The following CA10 variants were observed in gnomAD, a reference collection of about 807,000 sequenced individuals.
The protein encoded by CA10 is carbonic anhydrase 10 (inactive).
CA10 carries 14 observed loss-of-function variants against 44.2 expected under a neutral mutation model. The ratio of observed to expected loss-of-function variants is 0.32; its 90% CI spans 0.21 to 0.50. CA10 has a LOEUF of 0.50. Among genes scored for constraint, CA10 ranks in the 20% least tolerant of loss-of-function variants. CA10 has a pLI of 0.99. For synonymous variants in CA10, 159 were observed against 141.6 expected (o/e 1.12, Z -0.87); for missense variants, 350 against 409.7 (o/e 0.85, Z 1.26).
At chr17:51,658,381 A>T (rs1913879672) in intron 4 of CA10, among the ~76,000 whole-genome samples, 1 of 152,218 alleles carries the variant, frequency 6.6e-6, no homozygotes, top group African/African-American at 2.4e-5. Context: ...CAAGATTTTG[A>T]CTTACTTACA....
intron 3 of CA10, among the ~76,000 whole-genome samples, chr17:51,803,615 A>G (rs1330820655): frequency 6.6e-6 from 1 of 152,254 alleles, no homozygotes; most frequent in Non-Finnish European, 1.5e-5. Context: ...AATGTGTACA[A>G]TGCTGATTTT....
At chr17:52,115,791 C>G (rs981935002) in intron 1 of CA10, among the ~76,000 whole-genome samples, 2 of 152,222 alleles carry the variant, frequency 1.3e-5, no homozygotes, top group Admixed American at 1.3e-4. Flanking sequence ...CTCAGTCCAA[C>G]AGCAATTAAA....
intron 1 of CA10, among the ~76,000 whole-genome samples, chr17:52,111,046 G>A (rs2143284365): frequency 6.6e-6 from 1 of 152,310 alleles, no homozygotes; most frequent in African/African-American, 2.4e-5. Context: ...AATCTAAATT[G>A]CATAGACTGT....
chr17:51,692,479 A>T (rs1915247721), intron 4 of CA10, among the ~76,000 whole-genome samples: 1 of 151,726 alleles, frequency 6.6e-6, no homozygotes, highest in African/African-American at 2.4e-5. Context: ...AGATTATCTC[A>T]TTTGCAGACA....
At chr17:51,804,996 C>T (rs960257692) in intron 3 of CA10, among the ~76,000 whole-genome samples, 1 of 152,134 alleles carries the variant, frequency 6.6e-6, no homozygotes, top group African/African-American at 2.4e-5. Context: ...TTGCTGGGCT[C>T]CTCTGTGGGG....
At position 52,136,088 on chromosome 17, in the gene CA10, C is replaced by T. The variant is rs796492941; in HGVS notation, c.61+21638G>A. The stretch of plus-strand genomic sequence containing the variant: ...GAAGGTCTCTTTTTAGTTCAGGATA[C>T]TGTATGTCACTGATATAAAGCACTG... On this transcript the variant is annotated intron_variant, in intron 1 of 8. Coordinates refer to ENST00000451037, the MANE Select transcript of CA10 (RefSeq NM_020178.5). Among the ~76,000 whole-genome samples the T allele has an allele frequency of 6.6e-5, 10 of 152,290 alleles. 1 individual carries two copies. Among genetic ancestry groups the T allele is most frequent in the African/African-American group, 2.4e-4 (10 of 41,564 alleles).
chr17:51,850,507 T>TAATAGGTGAGG (rs1481088354), intron 3 of CA10, among the ~76,000 whole-genome samples: 1 of 152,128 alleles, frequency 6.6e-6, no homozygotes, highest in Non-Finnish European at 1.5e-5. Context: ...GAGGTCTCTG[T>TAATAGGTGAGG]AATAGGTGAG....
At chr17:51,739,134 T>A (rs975512618) in intron 4 of CA10, among the ~76,000 whole-genome samples, 2 of 152,156 alleles carry the variant, frequency 1.3e-5, no homozygotes, top group Admixed American at 6.6e-5. Context: ...CAAATTTTCA[T>A]TGGCCACTGA....
intron 3 of CA10, among the ~76,000 whole-genome samples, chr17:51,787,006 G>T (rs965755316): frequency 1.3e-5 from 2 of 152,082 alleles, no homozygotes; most frequent in African/African-American, 4.8e-5. Context: ...AACCATCTTT[G>T]CATCCCAGGG....
In CA10 at chr17:52,139,754, A is replaced by T. The variant is rs543740111; in HGVS notation, c.61+17972T>A. Among the ~76,000 whole-genome samples, 127 of 152,266 alleles carry T rather than the reference A, an allele frequency of 8.3e-4. 1 individual carries two copies. Among genetic ancestry groups the T allele is most frequent in the African/African-American group, 3.1e-3 (127 of 41,550 alleles). On this transcript the variant is annotated intron_variant, in intron 1 of 8. Transcript: ENST00000451037. ...TAACAGCTGTGTGCTCCTCAGTGTTACCTGGGTGCCTGTCTCCTCTCAATA... is the reference window on the plus strand; with the variant it reads ...TAACAGCTGTGTGCTCCTCAGTGTTTCCTGGGTGCCTGTCTCCTCTCAATA...
rs1325273302 is a variant in CA10 at position 51,987,420 on chromosome 17, G to T, written c.137-56288C>A. Among the ~76,000 whole-genome samples the T allele has an allele frequency of 2.0e-5, 3 of 151,920 alleles. No individual in the cohort carries two copies. In the East Asian group the frequency reaches 5.8e-4, roughly 29 times the overall value. On this transcript the variant is annotated intron_variant, in intron 2 of 8. Transcript: ENST00000451037. ...AGGGATAAAAGACTACAAATAGGGT[G>T]CAGTGTACACTGCTCGGGTAATGGG...
chr17:51,906,557 G>A (rs2143941712), intron 3 of CA10, among the ~76,000 whole-genome samples: 1 of 152,210 alleles, frequency 6.6e-6, no homozygotes, highest in Non-Finnish European at 1.5e-5. Flanking sequence ...ATAGTCTAAT[G>A]TATGCCCATG....
chr17:51,770,682 G>A lies in CA10; in HGVS notation c.280-22864C>T, dbSNP rs189860767. ...GCTCATGGTTCTGCAGCTTGCAGAG[G>A]AAGTGTAGCACTGTCATCAGCTTGG... On this transcript the variant is annotated intron_variant, in intron 3 of 8. Transcript: ENST00000451037. 2.6e-5 allele frequency among the ~76,000 whole-genome samples: 4 copies of A among 152,254 alleles called. No homozygotes were observed. In the East Asian group the frequency reaches 7.8e-4, roughly 30 times the overall value.
intron 4 of CA10, among the ~76,000 whole-genome samples, chr17:51,715,942 G>A (rs1240946179): frequency 3.3e-5 from 5 of 152,004 alleles, no homozygotes; most frequent in East Asian, 3.9e-4. Context: ...CGCCCACCTC[G>A]GCCTCCCAAA....
intron 4 of CA10, among the ~76,000 whole-genome samples, chr17:51,742,245 A>T (rs1904494779): frequency 6.6e-6 from 1 of 152,120 alleles, no homozygotes; most frequent in Non-Finnish European, 1.5e-5. Context: ...TATAAGTAGC[A>T]CTTCCATATG....
At chr17:52,026,515 T>A (rs1360665496) in intron 2 of CA10, among the ~76,000 whole-genome samples, 3 of 152,118 alleles carry the variant, frequency 2.0e-5, no homozygotes, top group Non-Finnish European at 4.4e-5. Context: ...CTCATGCTGC[T>A]AACAAAGACA....
intron 4 of CA10, among the ~76,000 whole-genome samples, chr17:51,671,782 G>A (rs770723397): frequency 5.3e-5 from 8 of 152,144 alleles, no homozygotes; most frequent in Non-Finnish European, 7.4e-5. Flanking sequence ...TTAGTGGAAC[G>A]CCCCTCCTAA....
chr17:51,744,471 G>A (rs1231594437), intron 4 of CA10, among the ~76,000 whole-genome samples: 1 of 152,092 alleles, frequency 6.6e-6, no homozygotes, highest in Non-Finnish European at 1.5e-5. Flanking sequence ...GCTGAGTGCA[G>A]TGGATCACAC....
In CA10 at chr17:51,843,901, C is replaced by A. The variant is rs567567032; in HGVS notation, c.279+87089G>T. ...ATGAAAATAGTCATCACTGAATTGA[C>A]CCCTTAAAAAATCAGTCCCCATTCA... On this transcript the variant is annotated intron_variant, in intron 3 of 8. Coordinates refer to ENST00000451037, the MANE Select transcript of CA10 (RefSeq NM_020178.5). Among the ~76,000 whole-genome samples the A allele has an allele frequency of 8.3e-4, 127 of 152,222 alleles. 1 individual carries two copies. The highest frequency in any genetic ancestry group is 2.8e-3 in the African/African-American group (116 of 41,534).
Sources: allele counts gnomAD v4.1 joint callset (sites outside exome capture counted in the v4.1 genomes callset), GRCh38; gene constraint gnomAD v4.1.1; transcripts MANE v1.5; gene names NCBI Gene and HGNC (gene_info 2026-07-23, HGNC 2026-07-21).